Variants in DENND5A observed in about 807,000 individuals in gnomAD.
DENND5A encodes the protein DENN domain-containing protein 5A.
In DENND5A, 64 loss-of-function variants were observed where a neutral mutation model predicts 140.3. The observed-to-expected ratio is 0.46, with a 90% CI of 0.37 to 0.56. The LOEUF (loss-of-function observed/expected upper bound fraction) is 0.56. Among genes scored for constraint, DENND5A ranks in the 20% least tolerant of loss-of-function variants. The probability of loss-of-function intolerance (pLI) is 0.00; values close to 1 mark genes in which losing one functional copy is unlikely to be tolerated. For missense variants in DENND5A, 1,292 were observed against 1,593.8 expected, an observed-to-expected ratio of 0.81 and a Z score of 3.22; for synonymous variants, 605 against 607.7, an observed-to-expected ratio of 1.00 and a Z score of 0.07.
At chr11:9,198,760 C>G (rs971059739) in intron 4 of DENND5A, among the ~76,000 whole-genome samples, 1 of 151,898 alleles carries the variant, frequency 6.6e-6, no homozygotes, top group Non-Finnish European at 1.5e-5. Flanking sequence ...AGTGACTATA[C>G]AGTTATATGT....
Position 9,140,089 on chromosome 11 carries a change from C to G in DENND5A, c.3681-235G>C, listed in dbSNP as rs1847186810. On this transcript the variant is annotated intron_variant, in intron 22 of 22. Transcript: ENST00000328194. ...ATGAGCCTCCAAGCCTCCTCCTCCCCTGCCTCCCTCGCCCTGCCTAGTCAG... is the reference window on the plus strand; with the variant it reads ...ATGAGCCTCCAAGCCTCCTCCTCCCGTGCCTCCCTCGCCCTGCCTAGTCAG... The G allele has an allele frequency of 3.8e-6, 5 of 1,312,546 alleles. No individual in the cohort carries two copies. In the South Asian group the frequency reaches 6.5e-5, roughly 17 times the overall value. 81.3% of individuals were successfully genotyped at this position (1,312,546 alleles called of 1,614,324 possible).
Position 9,154,565 on chromosome 11 carries a change from C to G in DENND5A, c.2437-2123G>C, listed in dbSNP as rs1847741235. On this transcript the variant is annotated intron_variant, in intron 12 of 22. Coordinates refer to ENST00000328194, the MANE Select transcript of DENND5A (RefSeq NM_015213.4). Reference sequence around the variant, plus strand: ...ACAAACATCTGAATGGTAGGAAACCCTCGCTATAGATCAGCAAGCTGTCAA... The same window carrying G: ...ACAAACATCTGAATGGTAGGAAACCGTCGCTATAGATCAGCAAGCTGTCAA... 2.0e-5 allele frequency among the ~76,000 whole-genome samples: 3 copies of G among 151,948 alleles called. No homozygotes were observed. In the South Asian group the frequency reaches 6.2e-4, roughly 32 times the overall value.
chr11:9,175,863 T>G (rs192653583), intron 8 of DENND5A, among the ~76,000 whole-genome samples: 279 of 152,264 alleles, frequency 1.8e-3, no homozygotes, highest in Admixed American at 3.2e-3. Context: ...CTATAAAACT[T>G]CTACAGGGAA....
At chr11:9,157,190 CTTA>C (rs1418151365) in intron 12 of DENND5A, among the ~76,000 whole-genome samples, 3 of 152,226 alleles carry the variant, frequency 2.0e-5, no homozygotes, top group East Asian at 1.9e-4. Context: ...ATTCTACTCA[CTTA>C]TTATAGAGAA....
chr11:9,189,963 T>A (rs1376043584), intron 5 of DENND5A, among the ~76,000 whole-genome samples: 1 of 152,220 alleles, frequency 6.6e-6, no homozygotes, highest in South Asian at 2.1e-4. Flanking sequence ...CTTGCATCAG[T>A]GTGACCTGGA....
At chr11:9,255,634 G>A (rs1590345233) in intron 1 of DENND5A, among the ~76,000 whole-genome samples, 1 of 152,230 alleles carries the variant, frequency 6.6e-6, no homozygotes, top group South Asian at 2.1e-4. Context: ...GGAAGGCAGA[G>A]GCAGGTGGAT....
chr11:9,163,964 T>C (rs929593169), intron 11 of DENND5A, among the ~76,000 whole-genome samples: 2 of 151,072 alleles, frequency 1.3e-5, no homozygotes, highest in African/African-American at 4.9e-5. Flanking sequence ...TGACAGAAGT[T>C]TTACACAAAC....
rs969708523 is a variant in DENND5A, at chr11:9,166,065, C to T, written c.2152-98G>A. On this transcript the variant is annotated intron_variant, in intron 10 of 22. Transcript: ENST00000328194. ...GCCTGAAGAGGGCATTATTTTCTCA[C>T]ATTTTCTTTTTTTTTCTTTTTCTTT... The T allele has an allele frequency of 4.4e-6, 5 of 1,124,226 alleles. No homozygotes were observed. In the African/African-American group the frequency reaches 6.4e-5, roughly 14 times the overall value. The allele number at this position is 1,124,226 out of a possible 1,614,324, so 69.6% of individuals were successfully genotyped here.
At chr11:9,161,335 G>C (rs1246594752) in intron 11 of DENND5A, among the ~76,000 whole-genome samples, 6 of 143,934 alleles carry the variant, frequency 4.2e-5, no homozygotes, top group Non-Finnish European at 9.1e-5. Flanking sequence ...GCAACAGAGC[G>C]AGACTCCGTC....
chr11:9,143,005 C>G, intron 20 of DENND5A, 160 bp from the exon 21 acceptor site: 10 of 843,950 alleles, frequency 1.2e-5, no homozygotes, highest in Non-Finnish European at 1.8e-5. Flanking sequence ...TGGCTCAGAG[C>G]AGCTCCCAGT....
At chr11:9,192,025 T>C (rs1259063047) in intron 5 of DENND5A, among the ~76,000 whole-genome samples, 2 of 152,190 alleles carry the variant, frequency 1.3e-5, no homozygotes, top group Admixed American at 1.3e-4. Flanking sequence ...AGATTTTTTT[T>C]CCTTAATTAA....
At chr11:9,237,882 C>A (rs966803133) in intron 1 of DENND5A, among the ~76,000 whole-genome samples, 14 of 150,288 alleles carry the variant, frequency 9.3e-5, no homozygotes, top group African/African-American at 3.4e-4. Flanking sequence ...GGCTCCATTT[C>A]AAAAAAAAAG....
rs536704486 is a variant in DENND5A at position 9,202,255 on chromosome 11, G to A, written c.949+1405C>T. 9.9e-5 allele frequency among the ~76,000 whole-genome samples: 15 copies of A among 152,144 alleles called. No homozygotes were observed. The East Asian group carries it at 2.9e-3, about 29-fold the overall frequency. On this transcript the variant is annotated intron_variant, in intron 4 of 22. Coordinates refer to ENST00000328194, the MANE Select transcript of DENND5A (RefSeq NM_015213.4). Reference sequence around the variant, plus strand: ...GATATGGCACTAGATCCTGAATAAGGAATTTTTTTAAATTATCATAACAGA... The same window carrying A: ...GATATGGCACTAGATCCTGAATAAGAAATTTTTTTAAATTATCATAACAGA...
chr11:9,197,124 G>T (rs1434877085), intron 4 of DENND5A, among the ~76,000 whole-genome samples: 1 of 151,034 alleles, frequency 6.6e-6, no homozygotes, highest in Non-Finnish European at 1.5e-5. Context: ...GGCAAGAATA[G>T]CAAAACCCCG....
At chr11:9,226,658 A>G (rs942040750) in intron 1 of DENND5A, among the ~76,000 whole-genome samples, 2 of 152,218 alleles carry the variant, frequency 1.3e-5, no homozygotes, top group Non-Finnish European at 2.9e-5. Context: ...GATGCTAATT[A>G]TAACAGAGCT....
At chr11:9,216,744 A>C (rs542217862) in intron 1 of DENND5A, among the ~76,000 whole-genome samples, 176 of 152,332 alleles carry the variant, frequency 1.2e-3, no homozygotes, top group Non-Finnish European at 1.7e-3. Context: ...GTCTCTACAA[A>C]AAATTTAATA....
chr11:9,225,372 A>T (rs1160180357), intron 1 of DENND5A, among the ~76,000 whole-genome samples: 1 of 152,232 alleles, frequency 6.6e-6, no homozygotes, highest in Non-Finnish European at 1.5e-5. Flanking sequence ...ATGGTAGCTC[A>T]CAGTATTCCC....
chr11:9,239,596 A>G (rs1393956595), intron 1 of DENND5A, among the ~76,000 whole-genome samples: 2 of 141,218 alleles, frequency 1.4e-5, no homozygotes, highest in East Asian at 4.0e-4. Context: ...CCTCCCAAGT[A>G]GCTGAGACTA....
intron 10 of DENND5A, 114 bp from the exon 11 acceptor site, chr11:9,166,081 C>CT: frequency 1.0e-6 from 1 of 984,456 alleles, no homozygotes; most frequent in Non-Finnish European, 1.5e-6. Context: ...CTTTTTTTTT[C>CT]TTTTTCTTTT....
Sources: gnomAD v4.1 joint callset for allele counts (sites outside exome capture counted in the v4.1 genomes callset) on GRCh38, gnomAD v4.1.1 for gene constraint, MANE v1.5 for transcripts, NCBI Gene and HGNC (gene_info 2026-07-23, HGNC 2026-07-21) for gene names.